IMP4: variants seen among roughly 807,000 people sequenced by gnomAD.
IMP4 encodes the protein IMP U3 small nucleolar ribonucleoprotein 4, also known as U3 small nucleolar ribonucleoprotein IMP4.
In IMP4, 30 loss-of-function variants were observed where a neutral mutation model predicts 42.7. The ratio of observed to expected loss-of-function variants is 0.70; its 90% confidence interval spans 0.53 to 0.95. IMP4 has a LOEUF of 0.95. Ranked by LOEUF, IMP4 falls within the 40% of genes least tolerant of loss-of-function variation. The pLI, the probability that IMP4 is intolerant of heterozygous loss-of-function variation, is 0.00. For missense variants in IMP4, 382 were observed against 411.4 expected (o/e 0.93, Z 0.62); for synonymous variants, 165 against 165.2 (o/e 1.00, Z 0.01).
Position 130,346,539 on chromosome 2 carries a change from T to C in IMP4, c.*71T>C. On this transcript the variant is annotated 3_prime_UTR_variant, in exon 9 of 9. Coordinates refer to ENST00000259239, the MANE Select transcript of IMP4 (RefSeq NM_033416.3). ...GGGCTGTCATAGACAGACCCACCAG[T>C]AGGAACTGTCACAGAATGGCCTGCT... 9.5e-7 allele frequency: 1 copy of C among 1,052,550 alleles called. No homozygotes were observed. The highest frequency in any genetic ancestry group is 2.6e-5 in the East Asian group (1 of 38,606). The allele number at this position is 1,052,550 out of a possible 1,614,324, so 65.2% of individuals were successfully genotyped here.
intron 2 of IMP4, among the ~76,000 whole-genome samples, chr2:130,343,938 CG>C (rs1679291893): frequency 3.3e-5 from 5 of 152,158 alleles, no homozygotes; most frequent in Non-Finnish European, 7.3e-5. Context: ...GCCTTCGAAG[CG>C]CTGTGGGCAT....
At position 130,345,626 on chromosome 2, in the gene IMP4, G is replaced by C. The variant is rs1296192559; in HGVS notation, c.366G>C (p.Gly122=). The C allele has an allele frequency of 6.2e-7, 1 of 1,614,036 alleles. No individual in the cohort carries two copies. Among genetic ancestry groups the C allele is most frequent in the Admixed American group, 1.7e-5 (1 of 59,990 alleles). ...TGAACCGAGGTCGACATGAAGTGGG[G>C]GCACTGGTGCGAGCCTGCAAAGCCA... The part of the protein sequence containing the change: ...QRMNRGRHEV[G]ALVRACKANG... Residue 122 remains glycine (G), a synonymous_variant, in exon 5 of 9, where the codon GGG becomes GGC. Coordinates refer to ENST00000259239, the MANE Select transcript of IMP4 (RefSeq NM_033416.3). The surrounding 1 kb of genome is among the most constrained non-coding windows in gnomAD (Gnocchi z 4.9).
At position 130,346,462 on chromosome 2, in the gene IMP4, C is replaced by T. The variant is rs764386981; in HGVS notation, c.870C>T (p.Thr290=). Residue 290 remains threonine, a synonymous_variant, in exon 9 of 9, where the codon ACC becomes ACT. Transcript: ENST00000259239. ...NTARKRVFLS[T]E The stretch of plus-strand genomic sequence containing the variant: ...CACGCAAGAGAGTCTTCCTGAGCAC[C>T]GAGTGAGCACACTCACCACTCAGTC... 73 of 1,553,062 alleles carry T rather than the reference C, an allele frequency of 4.7e-5. No individual in the cohort carries two copies. In the Middle Eastern group the frequency reaches 1.4e-3, roughly 29 times the overall value.
chr2:130,343,016 CGGCTCCGG>C (rs952496735), intron 1 of IMP4, 62 bp from the exon 2 acceptor site: 6 of 1,608,080 alleles, frequency 3.7e-6, no homozygotes, highest in East Asian at 2.2e-5. Context: ...GGAGGCTCAG[CGGCTCCGG>C]GGCTCCGGGG....
In IMP4 at chr2:130,342,899, A is replaced by G. The variant is rs776908417; in HGVS notation, c.-34A>G. 1.9e-6 allele frequency: 3 copies of G among 1,613,614 alleles called. No individual in the cohort carries two copies. Among genetic ancestry groups the G allele is most frequent in the Admixed American group, 3.3e-5 (2 of 60,024 alleles). On this transcript the variant is annotated 5_prime_UTR_variant, in exon 1 of 9. Coordinates refer to ENST00000259239, the MANE Select transcript of IMP4 (RefSeq NM_033416.3). ...TGTGTCGCGCTGGAGGAGCCCACAG[A>G]TTCTCCCGGACCCACGTGGAAGCGG...
rs1553456434 is a variant in IMP4, at chr2:130,346,213, TAAG to T, written c.707_709del (p.Lys236del). 2 of 1,614,022 alleles carry T rather than the reference TAAG, an allele frequency of 1.2e-6. No individual in the cohort carries two copies. Among genetic ancestry groups the T allele is most frequent in the Non-Finnish European group, 8.5e-7 (1 of 1,179,986 alleles). ...TGTTCCCTCCCAGGCACCATGTGTA[TAAG>T]AAGACAGACCACCGCAACGTGGAGC... On this transcript the variant is annotated inframe_deletion, in exon 8 of 9. Transcript: ENST00000259239.
chr2:130,346,399 A>G lies in IMP4; in HGVS notation c.807A>G (p.Ala269=), dbSNP rs994485501. The G allele has an allele frequency of 6.3e-7, 1 of 1,579,004 alleles. No homozygotes were observed. Among genetic ancestry groups the G allele is most frequent in the African/African-American group, 1.3e-5 (1 of 74,542 alleles). Residue 269 remains alanine, a synonymous_variant, in exon 9 of 9, where the codon GCA becomes GCG. Coordinates refer to ENST00000259239, the MANE Select transcript of IMP4 (RefSeq NM_033416.3). ...RLGTLEQEAT[A]DVEWRWHPYT... is the part of the protein sequence containing the mutation. ...GCACGCTGGAGCAGGAGGCCACAGC[A>G]GACGTGGAGTGGCGCTGGCACCCTT...
rs368029171 is a variant in IMP4 at position 130,345,918 on chromosome 2, C to T, written c.579C>T (p.Ser193=). The T allele has an allele frequency of 2.3e-5, 37 of 1,614,082 alleles. No homozygotes were observed. Among genetic ancestry groups the T allele is most frequent in the Non-Finnish European group, 3.1e-5 (36 of 1,180,050 alleles). ...KPHLITHGFS[S]RLGKRVSDIL... ...ACCTCATCACACACGGCTTCTCCTC[C>T]CGCCTGGGCAAGCGGGTGAGTCTGG... Residue 193 remains serine (S), a synonymous_variant, in exon 6 of 9, where the codon TCC becomes TCT. Transcript: ENST00000259239. The surrounding 1 kb of genome is among the most constrained non-coding windows in gnomAD (Gnocchi z 4.9).
intron 2 of IMP4, among the ~76,000 whole-genome samples, chr2:130,343,775 A>C (rs1479083418): frequency 2.6e-5 from 4 of 151,606 alleles, no homozygotes; most frequent in Non-Finnish European, 5.9e-5. Context: ...TCTAAAGACT[A>C]TCTGGATAGC....
Position 130,345,705 on chromosome 2 carries a change from G to A in IMP4, c.439+6G>A. On this transcript the variant is annotated splice_donor_region_variant and intron_variant, in intron 5 of 8. Coordinates refer to ENST00000259239, the MANE Select transcript of IMP4 (RefSeq NM_033416.3). The surrounding 1 kb of genome is among the most constrained non-coding windows in gnomAD (Gnocchi z 4.9). ...CGAGCATCGGGGCACACCTGGTAAG[G>A]CCGGAGGGAGGGAGTCGGGGTGGGA... The A allele has an allele frequency of 1.2e-6, 2 of 1,613,426 alleles. No individual in the cohort carries two copies. The highest frequency in any genetic ancestry group is 1.7e-6 in the Non-Finnish European group (2 of 1,180,022).
Position 130,347,481 on chromosome 2 carries a change from G to GAGT in IMP4, c.*1014_*1015insGTA, listed in dbSNP as rs1187142425. 6.6e-6 allele frequency: 1 copy of GAGT among 152,160 alleles called. No homozygotes were observed. The highest frequency in any genetic ancestry group is 1.5e-5 in the Non-Finnish European group (1 of 68,034). The allele number at this position is 152,160 out of a possible 1,614,324, so 9.4% of individuals were successfully genotyped here. A position where few individuals can be genotyped will look rare whatever the true frequency, so the allele number is the denominator to read the frequency against. Reference sequence around the variant, plus strand: ...ACCGGGTCATTTGTTCTTTGTTGTTGACTTGAGTCCCTTATATAGTTTGGA... The same window carrying GAGT: ...ACCGGGTCATTTGTTCTTTGTTGTTGAGTACTTGAGTCCCTTATATAGTTTGGA... On this transcript the variant is annotated 3_prime_UTR_variant, in exon 9 of 9. Transcript: ENST00000259239.
chr2:130,347,879 G>A lies in IMP4; in HGVS notation c.*1411G>A, dbSNP rs1679697082. The A allele has an allele frequency of 6.6e-6, 1 of 152,256 alleles. No individual in the cohort carries two copies. The highest frequency in any genetic ancestry group is 1.5e-5 in the Non-Finnish European group (1 of 68,072). The allele number at this position is 152,256 out of a possible 1,614,324, so 9.4% of individuals were successfully genotyped here. A position where few individuals can be genotyped will look rare whatever the true frequency, so the allele number is the denominator to read the frequency against. ...ATAGTAACCCTTTACCAGATACATG[G>A]TTTGCAAATAGTTTTTCCCACTCTG... On this transcript the variant is annotated 3_prime_UTR_variant, in exon 9 of 9. Transcript: ENST00000259239.
rs776531391 is a variant in IMP4, at chr2:130,344,625, G to A, written c.113-4G>A. The A allele has an allele frequency of 2.5e-6, 4 of 1,611,898 alleles. No homozygotes were observed. The highest frequency in any genetic ancestry group is 3.4e-6 in the Non-Finnish European group (4 of 1,177,934). On this transcript the variant is annotated splice_polypyrimidine_tract_variant and splice_region_variant and intron_variant, in intron 2 of 8. Coordinates refer to ENST00000259239, the MANE Select transcript of IMP4 (RefSeq NM_033416.3). ...CACTCAGCCCCTCTCTCTTCCCTCT[G>A]CAGAAAACCGCCTGATTCCCACTGA...
chr2:130,346,716 G>A lies in IMP4; in HGVS notation c.*248G>A. ...GACCTGATGGCTGTGGGACGTGCTT[G>A]GGCCTGGAGTCAGTGTGGGGGTTAA... On this transcript the variant is annotated 3_prime_UTR_variant, in exon 9 of 9. Coordinates refer to ENST00000259239, the MANE Select transcript of IMP4 (RefSeq NM_033416.3). The A allele has an allele frequency of 1.7e-6, 1 of 572,466 alleles. No homozygotes were observed. The highest frequency in any genetic ancestry group is 3.1e-6 in the Non-Finnish European group (1 of 318,926). The allele number at this position is 572,466 out of a possible 1,614,324, so 35.5% of individuals were successfully genotyped here.
Position 130,347,067 on chromosome 2 carries a change from C to A in IMP4, c.*599C>A, listed in dbSNP as rs1180163461. The A allele has an allele frequency of 1.3e-5, 2 of 156,760 alleles. No individual in the cohort carries two copies. The highest frequency in any genetic ancestry group is 4.8e-5 in the African/African-American group (2 of 41,488). 9.7% of individuals were successfully genotyped at this position (156,760 alleles called of 1,614,324 possible). The stretch of plus-strand genomic sequence containing the variant: ...AAAAATAACATGCCACATTTTCTTA[C>A]CAATCCGTCCACCAATAGACACTTA... On this transcript the variant is annotated 3_prime_UTR_variant, in exon 9 of 9. Coordinates refer to ENST00000259239, the MANE Select transcript of IMP4 (RefSeq NM_033416.3).
At position 130,346,999 on chromosome 2, in the gene IMP4, G is replaced by A. The variant is rs902787449; in HGVS notation, c.*531G>A. ...TTTCTATTAACATAATGTTCTCCAG[G>A]TTCCTCCATGTTATTGCAAATGATA... On this transcript the variant is annotated 3_prime_UTR_variant, in exon 9 of 9. Transcript: ENST00000259239. The A allele has an allele frequency of 3.8e-5, 6 of 157,900 alleles. No individual in the cohort carries two copies. The highest frequency in any genetic ancestry group is 1.4e-4 in the African/African-American group (6 of 41,478). The allele number at this position is 157,900 out of a possible 1,614,324, so 9.8% of individuals were successfully genotyped here. A position where few individuals can be genotyped will look rare whatever the true frequency, so the allele number is the denominator to read the frequency against.
chr2:130,343,144 C>T lies in IMP4; in HGVS notation c.62C>T (p.Ala21Val), dbSNP rs1250160431. The change falls in exon 2 of 9, where the codon GCG becomes GTG. Residue 21 changes from alanine (A) to valine (V), a missense_variant. By Grantham distance (64) the Ala-to-Val change is moderately conservative. Coordinates refer to ENST00000259239, the MANE Select transcript of IMP4 (RefSeq NM_033416.3). ...EYLYRKAREE[A>V]QRSAQERKER... The stretch of plus-strand genomic sequence containing the variant: ...CTGTACCGCAAGGCCCGGGAGGAGG[C>T]GCAGCGCTCAGCCCAGGAGAGGAAG... 13 of 1,550,494 alleles carry T rather than the reference C, an allele frequency of 8.4e-6. No homozygotes were observed. Among genetic ancestry groups the T allele is most frequent in the African/African-American group, 8.2e-5 (6 of 72,996 alleles).
Position 130,342,953 on chromosome 2 carries a change from T to G in IMP4, c.3+18T>G. On this transcript the variant is annotated intron_variant, in intron 1 of 8. Transcript: ENST00000259239. ...TCAAGATGGTAGGAGAATGAGCTCC[T>G]GTTTCGGAGGTCCGGGGCGCGTGAA... The G allele has an allele frequency of 1.9e-6, 3 of 1,614,158 alleles. No homozygotes were observed. Among genetic ancestry groups the G allele is most frequent in the Non-Finnish European group, 2.5e-6 (3 of 1,179,990 alleles).
At chr2:130,344,767 C>T (rs763695494) in intron 3 of IMP4, 55 bp downstream of exon 3, 2 of 1,184,746 alleles carry the variant, frequency 1.7e-6, no homozygotes, top group African/African-American at 1.5e-5. Flanking sequence ...TCCAGTCCTT[C>T]CTCAGACACA....
Sources: allele counts gnomAD v4.1 joint callset (sites outside exome capture counted in the v4.1 genomes callset), GRCh38; gene constraint gnomAD v4.1.1; non-coding constraint Gnocchi (gnomAD v3.1); transcripts MANE v1.5; gene names NCBI Gene and HGNC (gene_info 2026-07-23, HGNC 2026-07-21).